The following LNPEP variants were observed in gnomAD, a reference collection of about 807,000 sequenced individuals.
LNPEP encodes the protein leucyl-cystinyl aminopeptidase.
Under a neutral mutation model 120.6 loss-of-function variants are expected in LNPEP, and 64 were observed. That is an observed-to-expected ratio of 0.53 (90% CI 0.43 to 0.65). The LOEUF (loss-of-function observed/expected upper bound fraction) is 0.65. Ranked by LOEUF, LNPEP falls within the 30% of genes least tolerant of loss-of-function variation. LNPEP has a pLI of 0.00. For missense variants in LNPEP, 1,057 were observed against 1,200.0 expected (o/e 0.88, Z 1.76); for synonymous variants, 435 against 425.4 (o/e 1.02, Z -0.28).
At chr5:96,937,941 T>A (rs888371530) in intron 1 of LNPEP, among the ~76,000 whole-genome samples, 49 of 152,258 alleles carry the variant, frequency 3.2e-4, no homozygotes, top group Non-Finnish European at 1.8e-4. Context: ...TTCCTATCTT[T>A]CAGAGTTGAT....
chr5:96,969,278 A>C (rs1272820205), intron 1 of LNPEP, among the ~76,000 whole-genome samples: 2 of 150,870 alleles, frequency 1.3e-5, no homozygotes, highest in South Asian at 2.1e-4. Context: ...ACTTTTGATG[A>C]GCTCATAAGA....
chr5:97,007,767 CTTAA>C (rs1410912751), intron 11 of LNPEP, among the ~76,000 whole-genome samples: 77 of 152,078 alleles, frequency 5.1e-4, no homozygotes, highest in African/African-American at 1.8e-3. Flanking sequence ...AAAATATTGC[CTTAA>C]TTAAATATTT....
intron 1 of LNPEP, among the ~76,000 whole-genome samples, chr5:96,953,240 G>C (rs925120821): frequency 6.6e-6 from 1 of 152,190 alleles, no homozygotes; most frequent in Non-Finnish European, 1.5e-5. Context: ...TTTTCATCCA[G>C]GTGTTCACAC....
At chr5:96,990,297 A>T (rs1790361742) in intron 4 of LNPEP, among the ~76,000 whole-genome samples, 1 of 152,194 alleles carries the variant, frequency 6.6e-6, no homozygotes, top group East Asian at 1.9e-4. Context: ...CGGTGACTGA[A>T]TTCAGTAAGC....
rs144223289 is a variant in LNPEP at position 97,034,066 on chromosome 5, C to T, written c.*5533C>T. The T allele has an allele frequency of 6.6e-6, 1 of 152,162 alleles. No homozygotes were observed. Among genetic ancestry groups the T allele is most frequent in the African/African-American group, 2.4e-5 (1 of 41,516 alleles). 9.4% of individuals were successfully genotyped at this position (152,162 alleles called of 1,614,324 possible). A position where few individuals can be genotyped will look rare whatever the true frequency, so the allele number is the denominator to read the frequency against. On this transcript the variant is annotated 3_prime_UTR_variant, in exon 18 of 18. Transcript: ENST00000231368. ...GTCCATTGCTTGGACTTACGGGTAC[C>T]TAATGAAACGTGGAGGTCCGGATGT... is the stretch of plus-strand genomic sequence containing the variant.
chr5:96,944,769 G>A (rs577744966), intron 1 of LNPEP, among the ~76,000 whole-genome samples: 2 of 151,428 alleles, frequency 1.3e-5, no homozygotes, highest in Non-Finnish European at 1.5e-5. Flanking sequence ...ATGAGATTTC[G>A]CCATATTGCC....
chr5:97,020,585 G>C (rs950559178), intron 13 of LNPEP, among the ~76,000 whole-genome samples: 1 of 152,054 alleles, frequency 6.6e-6, no homozygotes, highest in African/African-American at 2.4e-5. Flanking sequence ...GGTGGATCAC[G>C]AGGTCAGGAG....
rs1221457036 is a variant in LNPEP at position 97,027,904 on chromosome 5, C to T, written c.2946+90C>T. The T allele has an allele frequency of 5.2e-6, 4 of 768,598 alleles. No homozygotes were observed. The Admixed American group carries it at 5.7e-5, about 11-fold the overall frequency. 47.6% of individuals were successfully genotyped at this position (768,598 alleles called of 1,614,324 possible). A position where few individuals can be genotyped will look rare whatever the true frequency, so the allele number is the denominator to read the frequency against. Reference sequence around the variant, plus strand: ...CAGTTTTAGTGAGATGGTGGATTTTCATGCTAATTCCTTCTCTTATCTCTG... The same window carrying T: ...CAGTTTTAGTGAGATGGTGGATTTTTATGCTAATTCCTTCTCTTATCTCTG... On this transcript the variant is annotated intron_variant, in intron 17 of 17. Coordinates refer to ENST00000231368, the MANE Select transcript of LNPEP (RefSeq NM_005575.3).
intron 13 of LNPEP, among the ~76,000 whole-genome samples, chr5:97,021,578 G>A: frequency 6.6e-6 from 1 of 152,140 alleles, no homozygotes; most frequent in East Asian, 1.9e-4. Flanking sequence ...TTTATAGATT[G>A]TAAAGTCACA....
At chr5:97,003,595 G>T (rs374873140) in intron 9 of LNPEP, 49 bp downstream of exon 9, 15 of 1,365,510 alleles carry the variant, frequency 1.1e-5, no homozygotes, top group African/African-American at 1.5e-5. Flanking sequence ...AAAGAGAGGA[G>T]TTCGTCTATT....
intron 8 of LNPEP, among the ~76,000 whole-genome samples, chr5:97,000,812 G>C (rs771211043): frequency 6.6e-6 from 1 of 152,144 alleles, no homozygotes; most frequent in Middle Eastern, 3.2e-3. Context: ...GCTGAGTTCT[G>C]TGAATCCTTC....
intron 2 of LNPEP, among the ~76,000 whole-genome samples, chr5:96,981,212 C>T (rs1019629359): frequency 6.6e-6 from 1 of 151,900 alleles, no homozygotes; most frequent in Non-Finnish European, 1.5e-5. Flanking sequence ...TCTAATAGAA[C>T]TAAGCAAAAT....
In LNPEP at chr5:97,006,441, T is replaced by C; in HGVS notation, c.1961T>C (p.Ile654Thr). 1 of 1,571,122 alleles carries C rather than the reference T, an allele frequency of 6.4e-7. No individual in the cohort carries two copies. Among genetic ancestry groups the C allele is most frequent in the Non-Finnish European group, 8.7e-7 (1 of 1,145,092 alleles). ...TCTCTTTACAGCTACCTGTGGCATA[T>C]TCCACTATCCTATGTCACTGAAGGA... ...QPSDTSYLWH[I>T]PLSYVTEGRN... The change falls in exon 11 of 18, where the codon ATT (isoleucine) becomes ACT (threonine). Residue 654 changes from isoleucine (I) to threonine (T), a missense_variant. Transcript: ENST00000231368.
intron 8 of LNPEP, among the ~76,000 whole-genome samples, chr5:96,998,674 A>G (rs1294445954): frequency 6.6e-6 from 1 of 152,182 alleles, no homozygotes; most frequent in Non-Finnish European, 1.5e-5. Context: ...TGTCATTCAC[A>G]TTTATGTTGT....
rs906041546 is a variant in LNPEP at position 97,029,003 on chromosome 5, A to T, written c.*470A>T. 1.3e-5 allele frequency: 2 copies of T among 158,144 alleles called. No homozygotes were observed. Among genetic ancestry groups the T allele is most frequent in the Non-Finnish European group, 1.4e-5 (1 of 72,194 alleles). The allele number at this position is 158,144 out of a possible 1,614,324, so 9.8% of individuals were successfully genotyped here. A position where few individuals can be genotyped will look rare whatever the true frequency, so the allele number is the denominator to read the frequency against. On this transcript the variant is annotated 3_prime_UTR_variant, in exon 18 of 18. Transcript: ENST00000231368. ...AAAGTTAGCTCTGAAGAATATGGTAACGAAGACAATAAAGCATGCACTGTA... is the reference window on the plus strand; with the variant it reads ...AAAGTTAGCTCTGAAGAATATGGTATCGAAGACAATAAAGCATGCACTGTA...
At chr5:96,956,092 CTGTTTAAA>C (rs70981858) in intron 1 of LNPEP, among the ~76,000 whole-genome samples, 68,217 of 151,272 alleles carry the variant, frequency 0.45, 15,401 homozygotes, top group Non-Finnish European at 0.49. Flanking sequence ...TGTGAAATGG[CTGTTTAAA>C]TGTTTAAATC....
chr5:96,964,125 T>C (rs1385345098), intron 1 of LNPEP, among the ~76,000 whole-genome samples: 1 of 151,982 alleles, frequency 6.6e-6, no homozygotes, highest in Non-Finnish European at 1.5e-5. Context: ...TTTTTTTTTT[T>C]TAAGATTCTA....
intron 1 of LNPEP, among the ~76,000 whole-genome samples, chr5:96,976,034 C>T (rs201057522): frequency 6.6e-6 from 1 of 152,106 alleles, no homozygotes; most frequent in Non-Finnish European, 1.5e-5. Flanking sequence ...TCTTTAGGAT[C>T]CCTTCTTTCA....
chr5:96,949,159 T>C (rs1789263017), intron 1 of LNPEP, among the ~76,000 whole-genome samples: 1 of 152,222 alleles, frequency 6.6e-6, no homozygotes, highest in South Asian at 2.1e-4. Context: ...ATTCTTTCCA[T>C]TTCATATTTA....
Sources: allele counts gnomAD v4.1 joint callset (sites outside exome capture counted in the v4.1 genomes callset), GRCh38; gene constraint gnomAD v4.1.1; transcripts MANE v1.5; gene names NCBI Gene and HGNC (gene_info 2026-07-23, HGNC 2026-07-21).